The following ARID1B variants were observed in gnomAD, a reference collection of about 807,000 sequenced individuals.
ARID1B encodes AT-rich interaction domain 1B.
Under a neutral mutation model 212.3 loss-of-function variants are expected in ARID1B, and 30 were observed. The observed-to-expected ratio is 0.14, with a 90% CI of 0.11 to 0.19. The LOEUF (loss-of-function observed/expected upper bound fraction) is 0.19, where lower values mean the gene tolerates loss of function less well. Ranked by LOEUF, ARID1B falls within the 10% of genes least tolerant of loss-of-function variation. The pLI, the probability that ARID1B is intolerant of heterozygous loss-of-function variation, is 1.00. For missense variants in ARID1B, 2,891 were observed against 3,204.0 expected (o/e 0.90, Z 2.36); for synonymous variants, 1,402 against 1,301.7 (o/e 1.08, Z -1.66).
At chr6:157,051,218 A>G (rs890101642) in intron 4 of ARID1B, among the ~76,000 whole-genome samples, 10 of 152,240 alleles carry the variant, frequency 6.6e-5, no homozygotes, top group African/African-American at 2.2e-4. Flanking sequence ...AGGGATGCGC[A>G]GAGTGCTTTA....
chr6:157,073,437 C>T (rs1172686736), intron 4 of ARID1B, among the ~76,000 whole-genome samples: 1 of 152,170 alleles, frequency 6.6e-6, no homozygotes, highest in Non-Finnish European at 1.5e-5. Flanking sequence ...AGATATTTTT[C>T]TACAAGTCAT....
intron 2 of ARID1B, among the ~76,000 whole-genome samples, chr6:156,845,394 A>T (rs575799793): frequency 6.6e-6 from 1 of 152,234 alleles, no homozygotes; most frequent in Non-Finnish European, 1.5e-5. Flanking sequence ...TCTTGTCTTT[A>T]TGTAATCCTC....
intron 1 of ARID1B, among the ~76,000 whole-genome samples, chr6:156,807,766 T>C (rs1180229684): frequency 6.6e-6 from 1 of 152,214 alleles, no homozygotes; most frequent in African/African-American, 2.4e-5. Flanking sequence ...CTTTGGGTAA[T>C]TTGTTGTGTG....
At chr6:157,093,933 T>C (rs1785444878) in intron 5 of ARID1B, among the ~76,000 whole-genome samples, 1 of 152,186 alleles carries the variant, frequency 6.6e-6, no homozygotes, top group Non-Finnish European at 1.5e-5. Context: ...GTAAAGGCGC[T>C]GAACATAAAC....
chr6:157,116,152 G>A (rs984796400), intron 6 of ARID1B, among the ~76,000 whole-genome samples: 5 of 152,154 alleles, frequency 3.3e-5, no homozygotes, highest in Non-Finnish European at 5.9e-5. Context: ...ATACGGAATA[G>A]TCATCTGAGT....
At chr6:156,986,138 G>T (rs1394118573) in intron 4 of ARID1B, among the ~76,000 whole-genome samples, 2 of 152,114 alleles carry the variant, frequency 1.3e-5, no homozygotes, top group African/African-American at 4.8e-5. Context: ...CTTCCTTTTG[G>T]AGTTACCTAA....
chr6:156,892,357 A>AT (rs1306359790), intron 2 of ARID1B, among the ~76,000 whole-genome samples: 1 of 152,196 alleles, frequency 6.6e-6, no homozygotes, highest in Non-Finnish European at 1.5e-5. Flanking sequence ...AAATGAAAAC[A>AT]TAAAAACTCA....
chr6:156,822,352 G>GTA (rs1782410346), intron 1 of ARID1B, among the ~76,000 whole-genome samples: 1 of 152,228 alleles, frequency 6.6e-6, no homozygotes, highest in African/African-American at 2.4e-5. Flanking sequence ...ATGCAGGGTT[G>GTA]CATGTTATCC....
At chr6:157,009,041 C>G (rs1779408803) in intron 4 of ARID1B, among the ~76,000 whole-genome samples, 1 of 152,198 alleles carries the variant, frequency 6.6e-6, no homozygotes, top group South Asian at 2.1e-4. Context: ...TAATCGGCTT[C>G]TTTGTAAATA....
At chr6:157,013,707 A>AT (rs1211528128) in intron 4 of ARID1B, among the ~76,000 whole-genome samples, 1 of 152,226 alleles carries the variant, frequency 6.6e-6, no homozygotes, top group Non-Finnish European at 1.5e-5. Flanking sequence ...ACGCAATCTC[A>AT]TGGACTTACC....
chr6:157,182,261 T>C (rs1792601337), intron 12 of ARID1B, among the ~76,000 whole-genome samples: 1 of 152,128 alleles, frequency 6.6e-6, no homozygotes, highest in African/African-American at 2.4e-5. Context: ...TAAAAAATAA[T>C]ATATTTTTTA....
chr6:157,076,394 T>G (rs1173139471), intron 4 of ARID1B, among the ~76,000 whole-genome samples: 3 of 151,836 alleles, frequency 2.0e-5, no homozygotes, highest in Non-Finnish European at 4.4e-5. Context: ...GGTACAATAG[T>G]GTCCTACAGC....
chr6:157,209,013 T>TA lies in ARID1B; in HGVS notation c.*1123dup, dbSNP rs1794651354. Reference sequence around the variant, plus strand: ...TATATGGATTGATTTAGAAAATGGTTACCAGTACAGTCAAAAAAGAGAAAA... The same window carrying TA: ...TATATGGATTGATTTAGAAAATGGTTAACCAGTACAGTCAAAAAAGAGAAAA... On this transcript the variant is annotated 3_prime_UTR_variant, in exon 20 of 20. Coordinates refer to ENST00000636930, the MANE Select transcript of ARID1B (RefSeq NM_001374828.1). The TA allele has an allele frequency of 4.3e-6, 1 of 229,922 alleles. No individual in the cohort carries two copies. The highest frequency in any genetic ancestry group is 2.2e-5 in the African/African-American group (1 of 44,948). The allele number at this position is 229,922 out of a possible 1,614,324, so 14.2% of individuals were successfully genotyped here.
At chr6:157,086,340 T>C (rs1375075521) in intron 5 of ARID1B, among the ~76,000 whole-genome samples, 1 of 152,244 alleles carries the variant, frequency 6.6e-6, no homozygotes, top group African/African-American at 2.4e-5. Flanking sequence ...GTGTTTGTAA[T>C]AACCTGGACT....
At chr6:156,854,726 A>G (rs1784803972) in intron 2 of ARID1B, among the ~76,000 whole-genome samples, 1 of 152,214 alleles carries the variant, frequency 6.6e-6, no homozygotes, top group African/African-American at 2.4e-5. Context: ...ACACTGTGCT[A>G]TTTGCTTGTT....
intron 4 of ARID1B, among the ~76,000 whole-genome samples, chr6:157,045,063 A>G (rs1782140593): frequency 6.6e-6 from 1 of 152,262 alleles, no homozygotes; most frequent in Admixed American, 6.5e-5. Flanking sequence ...AGAAAACAGA[A>G]GGAATTTGCT....
At chr6:156,882,327 C>A (rs1187417116) in intron 2 of ARID1B, among the ~76,000 whole-genome samples, 3 of 152,192 alleles carry the variant, frequency 2.0e-5, no homozygotes, top group Non-Finnish European at 4.4e-5. Flanking sequence ...CAGAATCTCC[C>A]TGTTTGCCCA....
chr6:156,810,275 T>C (rs939464221), intron 1 of ARID1B, among the ~76,000 whole-genome samples: 1 of 152,222 alleles, frequency 6.6e-6, no homozygotes, highest in Non-Finnish European at 1.5e-5. Flanking sequence ...TTTGTCATAC[T>C]GATTCCATCT....
intron 2 of ARID1B, among the ~76,000 whole-genome samples, chr6:156,840,673 C>T (rs1783831541): frequency 2.0e-5 from 3 of 152,186 alleles, no homozygotes; most frequent in Admixed American, 2.0e-4. Context: ...AGAACAAAGC[C>T]TGCAGACAGC....
Sources: allele counts gnomAD v4.1 joint callset (sites outside exome capture counted in the v4.1 genomes callset), GRCh38; gene constraint gnomAD v4.1.1; transcripts MANE v1.5; gene names NCBI Gene and HGNC (gene_info 2026-07-23, HGNC 2026-07-21).